IGDCC4: variants seen among roughly 807,000 people sequenced by gnomAD.
The protein encoded by IGDCC4 is immunoglobulin superfamily DCC subclass member 4.
Under a neutral mutation model 116.6 loss-of-function variants are expected in IGDCC4, and 72 were observed. That is an observed-to-expected ratio of 0.62 (90% CI 0.51 to 0.75). The LOEUF (loss-of-function observed/expected upper bound fraction) is 0.75, where lower values mean the gene tolerates loss of function less well. IGDCC4 is among the 30% of genes least tolerant of loss of function. The probability of loss-of-function intolerance (pLI) is 0.00; values close to 1 mark genes in which losing one functional copy is unlikely to be tolerated. For missense variants in IGDCC4, 1,501 were observed against 1,662.4 expected (o/e 0.90, Z 1.69); for synonymous variants, 709 against 719.9 (o/e 0.98, Z 0.24).
At chr15:65,416,282 C>T (rs948535393) in intron 1 of IGDCC4, among the ~76,000 whole-genome samples, 4 of 151,516 alleles carry the variant, frequency 2.6e-5, no homozygotes, top group African/African-American at 7.3e-5. Flanking sequence ...GGACTGCAGG[C>T]GCCCGCCACC....
intron 3 of IGDCC4, among the ~76,000 whole-genome samples, chr15:65,409,833 A>G (rs1056406992): frequency 3.3e-5 from 5 of 152,024 alleles, no homozygotes. Context: ...GACAACCAAC[A>G]TTCTGCCAAT....
intron 1 of IGDCC4, among the ~76,000 whole-genome samples, chr15:65,418,298 C>T (rs1595797154): frequency 6.6e-6 from 1 of 152,252 alleles, no homozygotes; most frequent in East Asian, 1.9e-4. Context: ...AGATCACTAC[C>T]TTGCCTGTTC....
At position 65,388,441 on chromosome 15, in the gene IGDCC4, G is replaced by C. The variant is rs777368442; in HGVS notation, c.2845+8C>G. The C allele has an allele frequency of 2.5e-6, 4 of 1,614,034 alleles. No individual in the cohort carries two copies. Among genetic ancestry groups the C allele is most frequent in the Non-Finnish European group, 2.5e-6 (3 of 1,180,030 alleles). ...TCCAGGGAAACCTGGGCTGCCCTGT[G>C]CTCATACCTGACAGCTTCTCCTGGA... On this transcript the variant is annotated splice_region_variant and intron_variant, in intron 16 of 19. Coordinates refer to ENST00000352385, the MANE Select transcript of IGDCC4 (RefSeq NM_020962.3).
Position 65,385,830 on chromosome 15 carries a change from C to T in IGDCC4, c.3180+1G>A, listed in dbSNP as rs1312337927. 13 of 1,611,344 alleles carry T rather than the reference C, an allele frequency of 8.1e-6. No homozygotes were observed. The highest frequency in any genetic ancestry group is 1.1e-5 in the South Asian group (1 of 90,992). ...AGCCGCAATGTGGGGCTCTGACTTACCTTTCTTTTGGAGTGACTCCGGCCT... is the reference window on the plus strand; with the variant it reads ...AGCCGCAATGTGGGGCTCTGACTTATCTTTCTTTTGGAGTGACTCCGGCCT... On this transcript the variant is annotated splice_donor_variant, in intron 18 of 19. Transcript: ENST00000352385. LOFTEE classifies it high-confidence loss of function.
At position 65,381,852 on chromosome 15, in the gene IGDCC4, A is replaced by G. The variant is rs1315145337; in HGVS notation, c.*2157T>C. The G allele has an allele frequency of 6.6e-6, 1 of 152,648 alleles. No homozygotes were observed. The highest frequency in any genetic ancestry group is 1.5e-5 in the Non-Finnish European group (1 of 68,038). The allele number at this position is 152,648 out of a possible 1,614,324, so 9.5% of individuals were successfully genotyped here. On this transcript the variant is annotated 3_prime_UTR_variant, in exon 20 of 20. Transcript: ENST00000352385. ...AAATCATATATAGTGCTAGTGAGAA[A>G]TGGCCACTTTCTTATCAACTGTGAG...
Position 65,386,557 on chromosome 15 carries a change from GGGCTGC to G in IGDCC4, c.2939_2944del (p.Arg980_Ser981del), listed in dbSNP as rs2091461388. On this transcript the variant is annotated inframe_deletion, in exon 17 of 20. Transcript: ENST00000352385. ...GACTGGCTCCCCTGCTCACCTGTGG[GGGCTGC>G]GGCGCAGGCCAGCACACATGCAGGC... 6.2e-7 allele frequency: 1 copy of G among 1,600,068 alleles called. No homozygotes were observed. The highest frequency in any genetic ancestry group is 1.1e-5 in the South Asian group (1 of 88,602).
chr15:65,420,135 T>C (rs561242960), intron 1 of IGDCC4, among the ~76,000 whole-genome samples: 7 of 152,204 alleles, frequency 4.6e-5, no homozygotes, highest in Non-Finnish European at 7.4e-5. Context: ...TTAGTAGAGA[T>C]GGGGTTTCAC....
chr15:65,385,416 G>A (rs2140187504), intron 18 of IGDCC4: 1 of 524,148 alleles, frequency 1.9e-6, no homozygotes, highest in Non-Finnish European at 3.4e-6. Context: ...GGGATGTGCC[G>A]CCCCTGCCAG....
intron 1 of IGDCC4, among the ~76,000 whole-genome samples, chr15:65,413,836 G>C (rs779336629): frequency 2.6e-5 from 4 of 152,174 alleles, no homozygotes; most frequent in East Asian, 3.9e-4. Flanking sequence ...GGAGACCCTC[G>C]GTTCTAGATC....
rs2091413935 is a variant in IGDCC4, at chr15:65,382,863, C to G, written c.*1146G>C. On this transcript the variant is annotated 3_prime_UTR_variant, in exon 20 of 20. Coordinates refer to ENST00000352385, the MANE Select transcript of IGDCC4 (RefSeq NM_020962.3). ...TCATCTCCATCCAGTAAACTTGCCC[C>G]CCTGCATAGAAGGGAGGGCATCTTT... 6.6e-6 allele frequency: 1 copy of G among 152,126 alleles called. No homozygotes were observed. The highest frequency in any genetic ancestry group is 6.6e-5 in the Admixed American group (1 of 15,266). The allele number at this position is 152,126 out of a possible 1,614,324, so 9.4% of individuals were successfully genotyped here.
In IGDCC4 at chr15:65,393,436, C is replaced by T. The variant is rs1363081098; in HGVS notation, c.1810G>A (p.Gly604Ser). 1 of 1,613,830 alleles carries T rather than the reference C, an allele frequency of 6.2e-7. No homozygotes were observed. The highest frequency in any genetic ancestry group is 1.7e-4 in the Middle Eastern group (1 of 6,058). The change falls in exon 10 of 20, where the codon GGT becomes AGT. Residue 604 changes from glycine to serine, a missense_variant. This residue lies in a region of IGDCC4 where 898 missense variants were observed against 978.9 expected (regional missense o/e 0.92). Coordinates refer to ENST00000352385, the MANE Select transcript of IGDCC4 (RefSeq NM_020962.3). This position sits in a 1 kb window ranked among gnomAD's most constrained non-coding sequence, Gnocchi z 4.6. ...GGGGCCCCGAAGCCGGCTGCTGTACCAGCCGAAATCCGTACTCGATACACC... is the reference window on the plus strand; with the variant it reads ...GGGGCCCCGAAGCCGGCTGCTGTACTAGCCGAAATCCGTACTCGATACACC... Reference protein sequence around the residue: ...NKVYRVRISAGTAAGFGAPSQ... With the variant: ...NKVYRVRISASTAAGFGAPSQ...
Position 65,385,980 on chromosome 15 carries a change from TGG to T in IGDCC4, c.3029_3030del (p.Pro1010GlnfsTer7). 2.1e-6 allele frequency: 2 copies of T among 953,736 alleles called. 1 individual carries two copies. Among genetic ancestry groups the T allele is most frequent in the South Asian group, 4.1e-5 (2 of 48,416 alleles). The allele number at this position is 953,736 out of a possible 1,614,324, so 59.1% of individuals were successfully genotyped here. On this transcript the variant is annotated frameshift_variant, in exon 18 of 20. Transcript: ENST00000352385. LOFTEE classifies it high-confidence loss of function. Reference sequence around the variant, plus strand: ...TCCAATTCATGGGCAGCTGGGGGGCTGGGGGGGCCAAGCCGAGCTCTGGAGTA... The same window carrying T: ...TCCAATTCATGGGCAGCTGGGGGGCTGGGGGCCAAGCCGAGCTCTGGAGTA... ...ALYSRARLGP[P>X]SPPAAHELES...
intron 8 of IGDCC4, 110 bp from the exon 9 acceptor site, chr15:65,394,658 G>A (rs1410316510): frequency 1.8e-6 from 2 of 1,111,812 alleles, no homozygotes; most frequent in East Asian, 2.6e-5. Flanking sequence ...AGTAGGCCAG[G>A]ACCAGGATCT....
Position 65,392,156 on chromosome 15 carries a change from C to T in IGDCC4, c.2100G>A (p.Lys700=). 1 of 1,612,038 alleles carries T rather than the reference C, an allele frequency of 6.2e-7. No homozygotes were observed. Among genetic ancestry groups the T allele is most frequent in the African/African-American group, 1.3e-5 (1 of 74,928 alleles). ...VGPVRLKKKV[K]QYELTQLVPG... ...CACCTAGCTGGGTCAGCTCATACTG[C>T]TTCACTTTCTTCTTGAGCCGGACAG... is the stretch of plus-strand genomic sequence containing the variant. Residue 700 remains lysine (K), a synonymous_variant, in exon 11 of 20, where the codon AAG becomes AAA. Transcript: ENST00000352385.
chr15:65,394,381 C>T (rs1383821997), intron 9 of IGDCC4, 30 bp downstream of exon 9: 5 of 1,611,866 alleles, frequency 3.1e-6, no homozygotes, highest in South Asian at 1.1e-5. Context: ...CATTCCCATA[C>T]ATGCCTGCAG....
At position 65,386,600 on chromosome 15, in the gene IGDCC4, G is replaced by C; in HGVS notation, c.2902C>G (p.Leu968Val). Residue 968 changes from leucine to valine, a missense_variant, in exon 17 of 20, where the codon CTC (leucine) becomes GTC (valine). Around this residue, in one of 3 missense-constraint regions of IGDCC4, gnomAD observed 235 missense variants for 328.0 expected, o/e 0.72. Transcript: ENST00000352385. Reference sequence around the variant, plus strand: ...GCACACATGCAGGCCAGGAGGCAGAGGAGGCCCAGGCAGACACCCACGATG... The same window carrying C: ...GCACACATGCAGGCCAGGAGGCAGACGAGGCCCAGGCAGACACCCACGATG... Reference protein sequence around the residue: ...GIIVGVCLGLLCLLACMCAGL... With the variant: ...GIIVGVCLGLVCLLACMCAGL... 1 of 1,612,274 alleles carries C rather than the reference G, an allele frequency of 6.2e-7. No individual in the cohort carries two copies. Among genetic ancestry groups the C allele is most frequent in the Non-Finnish European group, 8.5e-7 (1 of 1,179,784 alleles).
chr15:65,415,047 T>C (rs2063130387), intron 1 of IGDCC4, among the ~76,000 whole-genome samples: 2 of 152,206 alleles, frequency 1.3e-5, no homozygotes, highest in Admixed American at 1.3e-4. Context: ...CAAGTGCTAT[T>C]TGCTGTTCTT....
intron 3 of IGDCC4, among the ~76,000 whole-genome samples, chr15:65,405,664 A>G (rs909578098): frequency 1.3e-5 from 2 of 152,222 alleles, no homozygotes; most frequent in Non-Finnish European, 2.9e-5. Flanking sequence ...CCATATACGT[A>G]TTTCAAAAGA....
chr15:65,410,899 A>G, intron 2 of IGDCC4, 121 bp downstream of exon 2: 1 of 722,192 alleles, frequency 1.4e-6, no homozygotes, highest in South Asian at 1.9e-5. Context: ...GATGGGAGGC[A>G]GGGAAAGGGG....
Sources: allele counts gnomAD v4.1 joint callset (sites outside exome capture counted in the v4.1 genomes callset), GRCh38; gene constraint gnomAD v4.1.1; regional missense constraint gnomAD v4.1.1; non-coding constraint Gnocchi (gnomAD v3.1); transcripts MANE v1.5; gene names NCBI Gene and HGNC (gene_info 2026-07-23, HGNC 2026-07-21).